RMC1: variants seen among roughly 807,000 people sequenced by gnomAD.
The protein encoded by RMC1 is regulator of MON1-CCZ1.
In RMC1, 44 loss-of-function variants were observed where a neutral mutation model predicts 95.5. The ratio of observed to expected loss-of-function variants is 0.46; its 90% CI spans 0.36 to 0.59. The LOEUF is 0.59. Among genes scored for constraint, RMC1 ranks in the 20% least tolerant of loss-of-function variants. The probability of loss-of-function intolerance (pLI) is 0.00; values close to 1 mark genes in which losing one functional copy is unlikely to be tolerated. For synonymous variants in RMC1, 320 were observed against 303.6 expected (o/e 1.05, Z -0.56); for missense variants, 705 against 819.6 (o/e 0.86, Z 1.71).
In RMC1 at chr18:23,529,286, T is replaced by C. The variant is rs1788825; in HGVS notation, c.1404T>C (p.Phe468=). 0.68 allele frequency: 1,102,671 copies of C among 1,610,904 alleles called. 382,801 individuals carry two copies. Among genetic ancestry groups the C allele is most frequent in the East Asian group, 0.94 (42,043 of 44,856 alleles). ...TGTACACCCATGTCCTGTCAGCCTTTGTGGAAAAGAAGGTGGGCTGCAGCT... is the reference window on the plus strand; with the variant it reads ...TGTACACCCATGTCCTGTCAGCCTTCGTGGAAAAGAAGGTGGGCTGCAGCT... ...SDVYTHVLSA[F]VEKKEMPHKF... The change falls in exon 15 of 20, where the codon TTT becomes TTC. Residue 468 remains phenylalanine, a synonymous_variant. Transcript: ENST00000269221.
chr18:23,504,489 A>C, intron 2 of RMC1, 42 bp downstream of exon 2: 1 of 1,519,902 alleles, frequency 6.6e-7, no homozygotes, highest in South Asian at 1.1e-5. Context: ...TCATGTAAAC[A>C]GAATGATGTT....
chr18:23,504,763 A>G (rs2057671554), intron 2 of RMC1: 1 of 237,654 alleles, frequency 4.2e-6, no homozygotes, highest in Non-Finnish European at 8.5e-6. Flanking sequence ...GAGGGCGTTC[A>G]TTTCTTTAGC....
intron 7 of RMC1, among the ~76,000 whole-genome samples, chr18:23,517,572 A>G (rs954149274): frequency 2.0e-5 from 3 of 152,226 alleles, no homozygotes; most frequent in African/African-American, 4.8e-5. Flanking sequence ...TGATTCGACA[A>G]TAGTCAAAAT....
chr18:23,504,750 G>T (rs759366363), intron 2 of RMC1: 2 of 257,392 alleles, frequency 7.8e-6, no homozygotes, highest in Non-Finnish European at 1.5e-5. Context: ...TTTGTTCACA[G>T]AGGAGGGCGT....
In RMC1 at chr18:23,518,765, C is replaced by G. The variant is rs1374570253; in HGVS notation, c.654-125C>G. 6.4e-6 allele frequency: 5 copies of G among 778,322 alleles called. No homozygotes were observed. The East Asian group carries it at 1.3e-4, about 20-fold the overall frequency. The allele number at this position is 778,322 out of a possible 1,614,324, so 48.2% of individuals were successfully genotyped here. On this transcript the variant is annotated intron_variant, in intron 7 of 19. Transcript: ENST00000269221. Reference sequence around the variant, plus strand: ...GAGTAACTGCATGTTTCTTTGTAAACACTTGTTGGCAGCAAAATACTCCAT... The same window carrying G: ...GAGTAACTGCATGTTTCTTTGTAAAGACTTGTTGGCAGCAAAATACTCCAT...
intron 19 of RMC1, among the ~76,000 whole-genome samples, chr18:23,531,047 T>C (rs1484338355): frequency 6.6e-6 from 1 of 152,040 alleles, no homozygotes; most frequent in African/African-American, 2.4e-5. Context: ...CAGGCTGGAG[T>C]GCAGTGGTGT....
At chr18:23,527,300 G>A (rs1452800795) in intron 13 of RMC1, among the ~76,000 whole-genome samples, 1 of 151,556 alleles carries the variant, frequency 6.6e-6, no homozygotes, top group African/African-American at 2.4e-5. Context: ...TCCAGAGGCT[G>A]CCGAGGGAGG....
intron 12 of RMC1, among the ~76,000 whole-genome samples, chr18:23,525,528 G>C (rs1410630657): frequency 6.6e-6 from 1 of 151,880 alleles, no homozygotes; most frequent in African/African-American, 2.4e-5. Flanking sequence ...GGGTTTAAGC[G>C]ATTCTCCTGC....
At chr18:23,513,797 G>A (rs934335758) in intron 5 of RMC1, among the ~76,000 whole-genome samples, 2 of 152,160 alleles carry the variant, frequency 1.3e-5, no homozygotes, top group Non-Finnish European at 2.9e-5. Context: ...GCACTTTTGT[G>A]TGTGTGTTTT....
intron 15 of RMC1, 115 bp downstream of exon 15, chr18:23,529,413 GT>G: frequency 1.4e-6 from 2 of 1,443,566 alleles, no homozygotes; most frequent in Non-Finnish European, 1.8e-6. Flanking sequence ...AATCACTGGA[GT>G]TTCCTTGGGT....
rs1434332799 is a variant in RMC1, at chr18:23,530,446, A to G, written c.1728A>G (p.Leu576=). The change falls in exon 19 of 20, where the codon TTA becomes TTG. Residue 576 remains leucine (L), a synonymous_variant. Transcript: ENST00000269221. ...VEVLLSKHQV[L]AALRFIRGIG... ...TTCTCCTTTCCAAACACCAAGTGTT[A>G]GCTGCCTTAAGGTTTATCCGGGGCA... is the stretch of plus-strand genomic sequence containing the variant. 1.2e-6 allele frequency: 2 copies of G among 1,614,298 alleles called. No homozygotes were observed. The highest frequency in any genetic ancestry group is 1.7e-6 in the Non-Finnish European group (2 of 1,180,050).
At chr18:23,526,439 C>T (rs2058300109) in intron 12 of RMC1, among the ~76,000 whole-genome samples, 198 bp from the exon 13 acceptor site, 1 of 152,108 alleles carries the variant, frequency 6.6e-6, no homozygotes, top group African/African-American at 2.4e-5. Context: ...CTGTCATCCT[C>T]CTGTGGTAGA....
At chr18:23,514,024 C>T (rs945197532) in intron 5 of RMC1, among the ~76,000 whole-genome samples, 13 of 152,204 alleles carry the variant, frequency 8.5e-5, no homozygotes, top group Admixed American at 7.9e-4. Context: ...TGTTTCTTTT[C>T]ATCTGTTCCA....
At position 23,519,095 on chromosome 18, in the gene RMC1, T is replaced by G. The variant is rs1268539979; in HGVS notation, c.770T>G (p.Ile257Arg). Reference protein sequence around the residue: ...PREGACKKMHILKLNRTGKFA... With the variant: ...PREGACKKMHRLKLNRTGKFA... The stretch of plus-strand genomic sequence containing the variant: ...GAAGGTGCCTGTAAAAAGATGCACA[T>G]ATTGAAGTTAAATAGGACGGGAAAG... The change falls in exon 9 of 20, where the codon ATA becomes AGA. Residue 257 changes from isoleucine (I) to arginine (R), a missense_variant. Coordinates refer to ENST00000269221, the MANE Select transcript of RMC1 (RefSeq NM_013326.5). 1 of 1,614,198 alleles carries G rather than the reference T, an allele frequency of 6.2e-7. No individual in the cohort carries two copies. The highest frequency in any genetic ancestry group is 8.5e-7 in the Non-Finnish European group (1 of 1,180,038).
At chr18:23,529,320 C>T in intron 15 of RMC1, 22 bp downstream of exon 15, 5 of 1,599,762 alleles carry the variant, frequency 3.1e-6, no homozygotes, top group Non-Finnish European at 4.3e-6. Context: ...CTTTCCGCCT[C>T]TTCTGGACTG....
Position 23,516,084 on chromosome 18 carries a change from CA to C in RMC1, c.549+89del, listed in dbSNP as rs1351152684. On this transcript the variant is annotated intron_variant, in intron 6 of 19. Transcript: ENST00000269221. ...CCTAATGTGTCAGGCACGTTAGGGA[CA>C]GGTTCCTCTAGCCGTAACGTCACCG... 3.2e-6 allele frequency: 5 copies of C among 1,575,868 alleles called. No individual in the cohort carries two copies. The Admixed American group carries it at 8.6e-5, about 27-fold the overall frequency.
chr18:23,509,943 C>T (rs905028911), intron 5 of RMC1, among the ~76,000 whole-genome samples: 1 of 151,112 alleles, frequency 6.6e-6, no homozygotes, highest in Non-Finnish European at 1.5e-5. Context: ...TCAACTCCTG[C>T]CTTGGCCACT....
At chr18:23,512,513 T>C (rs2057888718) in intron 5 of RMC1, among the ~76,000 whole-genome samples, 1 of 151,990 alleles carries the variant, frequency 6.6e-6, no homozygotes, top group African/African-American at 2.4e-5. Flanking sequence ...CTCGACCTCC[T>C]AGCCTCACGT....
At chr18:23,511,812 G>A (rs941778934) in intron 5 of RMC1, among the ~76,000 whole-genome samples, 1 of 152,016 alleles carries the variant, frequency 6.6e-6, no homozygotes, top group Non-Finnish European at 1.5e-5. Flanking sequence ...TAACCCTTCA[G>A]TAACATGCTT....
Sources: gnomAD v4.1 joint callset for allele counts (sites outside exome capture counted in the v4.1 genomes callset) on GRCh38, gnomAD v4.1.1 for gene constraint, MANE v1.5 for transcripts, NCBI Gene and HGNC (gene_info 2026-07-23, HGNC 2026-07-21) for gene names.